The following IPO9 variants were observed in gnomAD, a reference collection of about 807,000 sequenced individuals.
IPO9 encodes importin 9.
IPO9 carries 28 observed loss-of-function variants against 128.6 expected under a neutral mutation model. The observed-to-expected ratio is 0.22, with a 90% confidence interval of 0.16 to 0.30. IPO9 has a LOEUF of 0.30. Among genes scored for constraint, IPO9 ranks in the 10% least tolerant of loss-of-function variants. IPO9 has a pLI of 1.00. For missense variants in IPO9, 935 were observed against 1,293.9 expected, an observed-to-expected ratio of 0.72 and a Z score of 4.26; for synonymous variants, 455 against 475.8, an observed-to-expected ratio of 0.96 and a Z score of 0.57.
intron 1 of IPO9, among the ~76,000 whole-genome samples, chr1:201,841,566 T>C (rs545353603): frequency 6.6e-6 from 1 of 152,330 alleles, no homozygotes; most frequent in South Asian, 2.1e-4. Flanking sequence ...GCAATGAACA[T>C]ACCTAGTGCT....
chr1:201,878,246 C>T lies in IPO9; in HGVS notation c.*2192C>T, dbSNP rs911162554. On this transcript the variant is annotated 3_prime_UTR_variant, in exon 24 of 24. Coordinates refer to ENST00000361565, the MANE Select transcript of IPO9 (RefSeq NM_018085.5). ...ACCAAGTGGTGCTGAGAAAACCACC[C>T]TCGGCCTTGCAGACTCCATAGTTTA... 2 of 152,420 alleles carry T rather than the reference C, an allele frequency of 1.3e-5. No homozygotes were observed. The highest frequency in any genetic ancestry group is 2.9e-5 in the Non-Finnish European group (2 of 68,062). The allele number at this position is 152,420 out of a possible 1,614,324, so 9.4% of individuals were successfully genotyped here. A position where few individuals can be genotyped will look rare whatever the true frequency, so the allele number is the denominator to read the frequency against.
chr1:201,854,993 T>A (rs1348045222), intron 8 of IPO9, 70 bp downstream of exon 8: 10 of 1,385,464 alleles, frequency 7.2e-6, no homozygotes, highest in African/African-American at 2.9e-5. Context: ...GGGTTTCACA[T>A]TCATATGGTT....
At chr1:201,855,698 C>A in intron 9 of IPO9, 85 bp from the exon 10 acceptor site, 1 of 1,202,104 alleles carries the variant, frequency 8.3e-7, no homozygotes, top group Non-Finnish European at 1.2e-6. Context: ...CAGTAATTTA[C>A]AAAGGTTATG....
rs565248773 is a variant in IPO9 at position 201,879,008 on chromosome 1, C to T, written c.*2954C>T. 1.3e-5 allele frequency: 2 copies of T among 152,316 alleles called. No homozygotes were observed. The highest frequency in any genetic ancestry group is 4.1e-4 in the South Asian group (2 of 4,830). 9.4% of individuals were successfully genotyped at this position (152,316 alleles called of 1,614,324 possible). A position where few individuals can be genotyped will look rare whatever the true frequency, so the allele number is the denominator to read the frequency against. ...ACATTTTAGTCTCCTGACTGGTAAACAGCAGCTGGGGCACCAAGGGGCTCC... is the reference window on the plus strand; with the variant it reads ...ACATTTTAGTCTCCTGACTGGTAAATAGCAGCTGGGGCACCAAGGGGCTCC... On this transcript the variant is annotated 3_prime_UTR_variant, in exon 24 of 24. Transcript: ENST00000361565.
At chr1:201,836,553 T>G (rs990124820) in intron 1 of IPO9, among the ~76,000 whole-genome samples, 2 of 152,160 alleles carry the variant, frequency 1.3e-5, no homozygotes, top group African/African-American at 2.4e-5. Flanking sequence ...ACCCAGCTAA[T>G]TTTGCATCGG....
chr1:201,869,170 GA>G (rs1680607113), intron 16 of IPO9, among the ~76,000 whole-genome samples: 1 of 152,190 alleles, frequency 6.6e-6, no homozygotes, highest in Non-Finnish European at 1.5e-5. Flanking sequence ...AGAATCACTT[GA>G]ACCCAGGAGG....
chr1:201,855,039 CT>C (rs1680303544), intron 8 of IPO9, 84 bp from the exon 9 acceptor site: 34 of 1,301,300 alleles, frequency 2.6e-5, no homozygotes, highest in Non-Finnish European at 1.1e-5. Flanking sequence ...AAGGTGTCTA[CT>C]TTTAGTGTTG....
chr1:201,845,077 C>T (rs530290009), intron 1 of IPO9, among the ~76,000 whole-genome samples: 44 of 151,994 alleles, frequency 2.9e-4, no homozygotes, highest in East Asian at 5.8e-4. Flanking sequence ...AGTGCAATGG[C>T]GCAATCTCGG....
chr1:201,870,435 C>G lies in IPO9; in HGVS notation c.2134-148C>G. The G allele has an allele frequency of 2.5e-6, 2 of 791,638 alleles. No individual in the cohort carries two copies. The highest frequency in any genetic ancestry group is 3.9e-6 in the Non-Finnish European group (2 of 513,556). 49.0% of individuals were successfully genotyped at this position (791,638 alleles called of 1,614,324 possible). A position where few individuals can be genotyped will look rare whatever the true frequency, so the allele number is the denominator to read the frequency against. ...ATGTCTGTAACAGTAAATGTCTTAA[C>G]TCCAGTGGTATGAGCCCACCACAAA... On this transcript the variant is annotated intron_variant, in intron 17 of 23. Transcript: ENST00000361565. This position sits in a 1 kb window ranked among gnomAD's most constrained non-coding sequence, Gnocchi z 4.9.
At chr1:201,859,255 A>T (rs947847871) in intron 13 of IPO9, among the ~76,000 whole-genome samples, 8 of 148,812 alleles carry the variant, frequency 5.4e-5, no homozygotes, top group African/African-American at 9.9e-5. Flanking sequence ...TTGTTCACTT[A>T]GACTGGTAGG....
chr1:201,856,020 T>C (rs564545875), intron 10 of IPO9, 86 bp downstream of exon 10: 1 of 985,064 alleles, frequency 1.0e-6, no homozygotes, highest in South Asian at 2.0e-5. Context: ...GTGAACACTT[T>C]ATTTCTAAAA....
intron 1 of IPO9, among the ~76,000 whole-genome samples, chr1:201,837,053 T>TA (rs1312404457): frequency 6.6e-6 from 1 of 152,238 alleles, no homozygotes; most frequent in African/African-American, 2.4e-5. Context: ...CATCTTAAAA[T>TA]ACTTGTTGTA....
intron 4 of IPO9, 140 bp downstream of exon 4, chr1:201,848,734 A>G (rs2102875024): frequency 2.5e-6 from 2 of 791,060 alleles, no homozygotes; most frequent in South Asian, 1.7e-5. Context: ...TTATCTCTCC[A>G]TCTACCCTCC....
chr1:201,867,093 G>A (rs1387240733), intron 15 of IPO9, 134 bp downstream of exon 15: 1 of 724,582 alleles, frequency 1.4e-6, no homozygotes, highest in Non-Finnish European at 2.3e-6. Context: ...AAAGAATCTG[G>A]CTTTCAATTA....
chr1:201,860,780 TAAAAG>T (rs1459010127), intron 13 of IPO9, among the ~76,000 whole-genome samples: 1 of 152,192 alleles, frequency 6.6e-6, no homozygotes, highest in Non-Finnish European at 1.5e-5. Flanking sequence ...GTTTTTAAAA[TAAAAG>T]AAATGGAAAC....
At chr1:201,869,546 AC>A in intron 16 of IPO9, 43 bp from the exon 17 acceptor site, 1 of 1,606,634 alleles carries the variant, frequency 6.2e-7, no homozygotes, top group African/African-American at 1.3e-5. Flanking sequence ...GGCAACCCCC[AC>A]CCCAGAGGCA....
rs1480087660 is a variant in IPO9 at position 201,883,631 on chromosome 1, C to T, written c.*7577C>T. 6.6e-6 allele frequency: 1 copy of T among 152,190 alleles called. No homozygotes were observed. Among genetic ancestry groups the T allele is most frequent in the East Asian group, 1.9e-4 (1 of 5,200 alleles). The allele number at this position is 152,190 out of a possible 1,614,324, so 9.4% of individuals were successfully genotyped here. On this transcript the variant is annotated 3_prime_UTR_variant, in exon 24 of 24. Transcript: ENST00000361565. ...TGCAGACCAAGGCTTAGAGGGCTCA[C>T]CTCAATGTTTTGCACTGTGTGAGAC...
In IPO9 at chr1:201,883,255, C is replaced by T. The variant is rs1228759008; in HGVS notation, c.*7201C>T. On this transcript the variant is annotated 3_prime_UTR_variant, in exon 24 of 24. Coordinates refer to ENST00000361565, the MANE Select transcript of IPO9 (RefSeq NM_018085.5). ...TTAGTTGCTTTTGTAGGGTGGACAG[C>T]AGGACTGCATGAGAATAGCTGTGCT... 5 of 149,576 alleles carry T rather than the reference C, an allele frequency of 3.3e-5. No individual in the cohort carries two copies. The highest frequency in any genetic ancestry group is 1.2e-4 in the African/African-American group (5 of 40,918). 9.3% of individuals were successfully genotyped at this position (149,576 alleles called of 1,614,324 possible).
chr1:201,844,822 T>C (rs1236646908), intron 1 of IPO9, among the ~76,000 whole-genome samples: 3 of 152,214 alleles, frequency 2.0e-5, no homozygotes, highest in Non-Finnish European at 4.4e-5. Flanking sequence ...GCTATTTCAG[T>C]AGAATCCAAT....
Sources: gnomAD v4.1 joint callset for allele counts (sites outside exome capture counted in the v4.1 genomes callset) on GRCh38, gnomAD v4.1.1 for gene constraint, Gnocchi (gnomAD v3.1) non-coding constraint, MANE v1.5 for transcripts, NCBI Gene and HGNC (gene_info 2026-07-23, HGNC 2026-07-21) for gene names.